The following PXDN variants were observed in gnomAD, a reference collection of about 807,000 sequenced individuals.
The protein encoded by PXDN is peroxidasin homolog.
A neutral mutation model predicts 140.3 loss-of-function variants in PXDN; 77 were observed. That is an observed-to-expected ratio of 0.55 (90% CI 0.46 to 0.66). The LOEUF (loss-of-function observed/expected upper bound fraction) is 0.66. Among genes scored for constraint, PXDN ranks in the 30% least tolerant of loss-of-function variants. The probability of loss-of-function intolerance (pLI) is 0.00; values close to 1 mark genes in which losing one functional copy is unlikely to be tolerated. For missense variants in PXDN, 1,838 were observed against 2,039.5 expected (o/e 0.90, Z 1.90); for synonymous variants, 911 against 857.4 (o/e 1.06, Z -1.09).
rs560494233 is a variant in PXDN, at chr2:1,639,505, T to A, written c.3953-83A>T. Reference sequence around the variant, plus strand: ...TAAGCACATCCTGCCAACTATGAAGTCTTCACTGGCTGCCCGTGGAACAAA... The same window carrying A: ...TAAGCACATCCTGCCAACTATGAAGACTTCACTGGCTGCCCGTGGAACAAA... On this transcript the variant is annotated intron_variant, in intron 19 of 22. Coordinates refer to ENST00000252804, the MANE Select transcript of PXDN (RefSeq NM_012293.3). This position sits in a 1 kb window ranked among gnomAD's most constrained non-coding sequence, Gnocchi z 5.0. 48 of 1,588,334 alleles carry A rather than the reference T, an allele frequency of 3.0e-5. No individual in the cohort carries two copies. The East Asian group carries it at 7.2e-4, about 24-fold the overall frequency.
intron 1 of PXDN, among the ~76,000 whole-genome samples, chr2:1,722,265 C>T (rs1444736314): frequency 6.6e-6 from 1 of 152,184 alleles, no homozygotes; most frequent in East Asian, 1.9e-4. Context: ...CAGGTTATTC[C>T]GGTCAGCAGC....
Position 1,664,984 on chromosome 2 carries a change from G to A in PXDN, c.1382C>T (p.Pro461Leu), listed in dbSNP as rs564793432. The A allele has an allele frequency of 3.8e-5, 62 of 1,612,170 alleles. No individual in the cohort carries two copies. The highest frequency in any genetic ancestry group is 4.0e-5 in the African/African-American group (3 of 75,028). The change falls in exon 11 of 23, where the codon CCG becomes CTG. Residue 461 changes from proline (P) to leucine (L), a missense_variant. Transcript: ENST00000252804. Reference sequence around the variant, plus strand: ...TCCCTTGGTCCAGGCGATGACGGGCGGCGGGTTGCCCTTGGCTTCACACTG... The same window carrying A: ...TCCCTTGGTCCAGGCGATGACGGGCAGCGGGTTGCCCTTGGCTTCACACTG... The part of the protein sequence containing the change: ...DFQCEAKGNP[P>L]PVIAWTKGGS...
chr2:1,707,933 A>C (rs1311967381), intron 1 of PXDN, among the ~76,000 whole-genome samples: 1 of 151,990 alleles, frequency 6.6e-6, no homozygotes, highest in Non-Finnish European at 1.5e-5. Flanking sequence ...CTCTTAAGGC[A>C]CTGGAAAGTT....
At chr2:1,676,707 A>G (rs907096074) in intron 8 of PXDN, 64 of 599,324 alleles carry the variant, frequency 1.1e-4, no homozygotes, top group Admixed American at 2.4e-4. Flanking sequence ...TGTGCTGCCC[A>G]GGAGAGAGTG....
chr2:1,641,313 G>A (rs1300921174), intron 19 of PXDN, among the ~76,000 whole-genome samples: 4 of 151,958 alleles, frequency 2.6e-5, no homozygotes, highest in Admixed American at 2.0e-4. Context: ...CACCACGCCC[G>A]GCTAATTTTT....
intron 7 of PXDN, 47 bp downstream of exon 7, chr2:1,680,146 T>TGG (rs368301056): frequency 2.0e-6 from 3 of 1,504,606 alleles, no homozygotes; most frequent in Non-Finnish European, 2.7e-6. Flanking sequence ...GGTGTGTGTG[T>TGG]AGATGGTGTG....
At chr2:1,693,770 G>A (rs1333284263) in intron 1 of PXDN, among the ~76,000 whole-genome samples, 1 of 152,214 alleles carries the variant, frequency 6.6e-6, no homozygotes, top group African/African-American at 2.4e-5. Context: ...GAGAGGATCC[G>A]AATAGCCCAT....
chr2:1,733,607 C>T (rs112067875), intron 1 of PXDN, among the ~76,000 whole-genome samples: 14 of 151,760 alleles, frequency 9.2e-5, no homozygotes, highest in African/African-American at 1.9e-4. Flanking sequence ...CCAGGTGTGG[C>T]GGTGCGCGCC....
intron 1 of PXDN, among the ~76,000 whole-genome samples, chr2:1,727,475 G>A (rs1303897011): frequency 1.3e-5 from 2 of 152,210 alleles, no homozygotes; most frequent in Non-Finnish European, 2.9e-5. Flanking sequence ...TGGGGAAGCC[G>A]AGGCTTCAAG....
chr2:1,673,719 G>C lies in PXDN; in HGVS notation c.942C>G (p.Ile314Met), dbSNP rs765642660. Residue 314 changes from isoleucine (I) to methionine (M), a missense_variant, in exon 9 of 23, where the codon ATC becomes ATG. Around this residue, in one of 5 missense-constraint regions of PXDN, gnomAD observed 208 missense variants for 325.8 expected, o/e 0.64. Coordinates refer to ENST00000252804, the MANE Select transcript of PXDN (RefSeq NM_012293.3). ...CCACGTTCTTTGCCATGCACTGGTA[G>C]ATACCCTGGTCTGTCTCCTGTGTGT... The part of the protein sequence containing the change: ...IQNTQETDQG[I>M]YQCMAKNVAG... 11 of 1,614,036 alleles carry C rather than the reference G, an allele frequency of 6.8e-6. No individual in the cohort carries two copies. Among genetic ancestry groups the C allele is most frequent in the Non-Finnish European group, 8.5e-6 (10 of 1,179,894 alleles).
rs1312419626 is a variant in PXDN at position 1,639,031 on chromosome 2, C to T, written c.4074-53G>A. 2.3e-6 allele frequency: 3 copies of T among 1,276,886 alleles called. No individual in the cohort carries two copies. The highest frequency in any genetic ancestry group is 2.0e-5 in the Admixed American group (1 of 50,052). The allele number at this position is 1,276,886 out of a possible 1,614,324, so 79.1% of individuals were successfully genotyped here. Reference sequence around the variant, plus strand: ...GAAATATAACCTTGGCAGGTCACGCCGGGTCTCATTTCAAGGTTTCCTGGG... The same window carrying T: ...GAAATATAACCTTGGCAGGTCACGCTGGGTCTCATTTCAAGGTTTCCTGGG... On this transcript the variant is annotated intron_variant, in intron 20 of 22. Transcript: ENST00000252804. The surrounding 1 kb of genome is among the most constrained non-coding windows in gnomAD (Gnocchi z 5.0).
chr2:1,688,627 T>C (rs13432222), intron 3 of PXDN, among the ~76,000 whole-genome samples: 45,412 of 152,138 alleles, frequency 0.3, 6,785 homozygotes, highest in East Asian at 0.34. Flanking sequence ...TGTGAATCTG[T>C]GTCTGTGCCC....
At chr2:1,699,514 G>A (rs1376649891) in intron 1 of PXDN, among the ~76,000 whole-genome samples, 1 of 152,168 alleles carries the variant, frequency 6.6e-6, no homozygotes, top group Non-Finnish European at 1.5e-5. Context: ...TTCAAGACCA[G>A]ACTAGCCAAC....
intron 1 of PXDN, among the ~76,000 whole-genome samples, chr2:1,724,981 CT>C (rs1407715921): frequency 6.6e-6 from 1 of 151,928 alleles, no homozygotes; most frequent in African/African-American, 2.4e-5. Context: ...AATATTAAGT[CT>C]TCTAATCCAT....
intron 1 of PXDN, among the ~76,000 whole-genome samples, chr2:1,693,798 G>A (rs998696225): frequency 1.3e-5 from 2 of 152,184 alleles, no homozygotes; most frequent in Non-Finnish European, 2.9e-5. Context: ...CAGAGAGTAC[G>A]CCAGAATCGA....
chr2:1,743,485 A>C (rs1685595483), intron 1 of PXDN, among the ~76,000 whole-genome samples: 1 of 151,524 alleles, frequency 6.6e-6, no homozygotes, highest in South Asian at 2.1e-4. Context: ...CCAGGAGAGG[A>C]CGCTCCGGGC....
At position 1,648,532 on chromosome 2, in the gene PXDN, CG is replaced by C. The variant is rs1558488506; in HGVS notation, c.3247del (p.Arg1083GlyfsTer27). 1 of 1,613,466 alleles carries C rather than the reference CG, an allele frequency of 6.2e-7. No individual in the cohort carries two copies. The highest frequency in any genetic ancestry group is 1.1e-5 in the South Asian group (1 of 91,066). On this transcript the variant is annotated frameshift_variant, in exon 17 of 23. Coordinates refer to ENST00000252804, the MANE Select transcript of PXDN (RefSeq NM_012293.3). LOFTEE classifies it high-confidence loss of function. This position sits in a 1 kb window ranked among gnomAD's most constrained non-coding sequence, Gnocchi z 8.9. ...GHTLVNPLLY[R>X]LDENFQPIAQ... ...AATGGGCTGGAAGTTCTCGTCCAGC[CG>C]GTAAAGCAGTGGGTTGACAAGCGTG...
At chr2:1,709,658 C>T (rs1203788699) in intron 1 of PXDN, among the ~76,000 whole-genome samples, 1 of 152,230 alleles carries the variant, frequency 6.6e-6, no homozygotes, top group Non-Finnish European at 1.5e-5. Flanking sequence ...CGGCTCCCAT[C>T]GGTCCTCCCG....
At chr2:1,669,055 G>A (rs1683514043) in intron 9 of PXDN, among the ~76,000 whole-genome samples, 1 of 152,116 alleles carries the variant, frequency 6.6e-6, no homozygotes, top group African/African-American at 2.4e-5. Flanking sequence ...CAACCCAAAT[G>A]CCCATCAATG....
Sources: allele counts gnomAD v4.1 joint callset (sites outside exome capture counted in the v4.1 genomes callset), GRCh38; gene constraint gnomAD v4.1.1; regional missense constraint gnomAD v4.1.1; non-coding constraint Gnocchi (gnomAD v3.1); transcripts MANE v1.5; gene names NCBI Gene and HGNC (gene_info 2026-07-23, HGNC 2026-07-21).